Variants in MYBBP1A observed in about 807,000 individuals in gnomAD.
MYBBP1A encodes the protein myb-binding protein 1A.
MYBBP1A carries 147 observed loss-of-function variants against 136.3 expected under a neutral mutation model. The ratio of observed to expected loss-of-function variants is 1.08; its 90% CI spans 0.94 to 1.24. MYBBP1A has a LOEUF of 1.24. MYBBP1A is among the 50% of genes most tolerant of loss of function. MYBBP1A has a pLI of 0.00. For synonymous variants in MYBBP1A, 947 were observed against 735.8 expected, an observed-to-expected ratio of 1.29 and a Z score of -4.65; for missense variants, 2,060 against 1,727.4, an observed-to-expected ratio of 1.19 and a Z score of -3.41.
chr17:4,545,190 C>A lies in MYBBP1A; in HGVS notation c.2161-15G>T. The A allele has an allele frequency of 3.7e-6, 6 of 1,613,224 alleles. No homozygotes were observed. Among genetic ancestry groups the A allele is most frequent in the Non-Finnish European group, 5.1e-6 (6 of 1,179,896 alleles). On this transcript the variant is annotated splice_polypyrimidine_tract_variant and intron_variant, in intron 16 of 25. Transcript: ENST00000254718. ...TCGCTCTTGTCCTGTGTGGTAGAGGCAGGCGCGTCACACACCTCCCCGATC... is the reference window on the plus strand; with the variant it reads ...TCGCTCTTGTCCTGTGTGGTAGAGGAAGGCGCGTCACACACCTCCCCGATC...
rs1907935233 is a variant in MYBBP1A at position 4,555,318 on chromosome 17, T to A, written c.7A>T (p.Ser3Cys). 1 of 1,594,552 alleles carries A rather than the reference T, an allele frequency of 6.3e-7. No individual in the cohort carries two copies. Reference protein sequence around the residue: MESRDPAQPMSPG... With the variant: MECRDPAQPMSPG... Reference sequence around the variant, plus strand: ...GACATCGGCTGGGCGGGATCCCGGCTCTCCATCTCCGCCACACTCACCGAA... The same window carrying A: ...GACATCGGCTGGGCGGGATCCCGGCACTCCATCTCCGCCACACTCACCGAA... Residue 3 changes from serine to cysteine, a missense_variant, in exon 1 of 26, where the codon AGC becomes TGC. By Grantham distance (112) the Ser-to-Cys change is moderately radical (BLOSUM62 -1). Transcript: ENST00000254718.
In MYBBP1A at chr17:4,550,090, G is replaced by A; in HGVS notation, c.1287C>T (p.Asn429=). 6.2e-7 allele frequency: 1 copy of A among 1,613,672 alleles called. No individual in the cohort carries two copies. Among genetic ancestry groups the A allele is most frequent in the East Asian group, 2.2e-5 (1 of 44,866 alleles). ...LDSLVDFSTN[N]QKKAQDSSLH... ...GCGATGAATCCTGGGCTTTCTTCTG[G>A]TTGTTGGTGCTGAAGTCAACCAAGG... The change falls in exon 9 of 26, where the codon AAC becomes AAT. Residue 429 remains asparagine (N), a synonymous_variant. Coordinates refer to ENST00000254718, the MANE Select transcript of MYBBP1A (RefSeq NM_014520.4).
At chr17:4,550,013 G>A (rs1907362080) in intron 9 of MYBBP1A, 45 bp downstream of exon 9, 1 of 1,565,936 alleles carries the variant, frequency 6.4e-7, no homozygotes, top group African/African-American at 1.4e-5. Flanking sequence ...GCAGGCCTAG[G>A]AAGTTAACTC....
Position 4,545,874 on chromosome 17 carries a change from C to A in MYBBP1A, c.1893G>T (p.Lys631Asn). The change falls in exon 14 of 26, where the codon AAG (lysine) becomes AAT (asparagine). Residue 631 changes from lysine to asparagine, a missense_variant. By Grantham distance (94) the Lys-to-Asn change is moderately conservative. Transcript: ENST00000254718. ...TGGTCTTGGTGCGGCTCCGGCGGGG[C>A]TTCTCTCCCAGACTTTTCCTGATGC... ...QTCIRKSLGE[K>N]PRRSRTKTID... 6.2e-7 allele frequency: 1 copy of A among 1,613,350 alleles called. No individual in the cohort carries two copies.
chr17:4,544,904 C>T lies in MYBBP1A; in HGVS notation c.2328G>A (p.Glu776=), dbSNP rs772232790. 21 of 1,601,544 alleles carry T rather than the reference C, an allele frequency of 1.3e-5. No homozygotes were observed. Among genetic ancestry groups the T allele is most frequent in the Non-Finnish European group, 4.3e-6 (5 of 1,173,226 alleles). The change falls in exon 18 of 26, where the codon GAG becomes GAA. Residue 776 remains glutamate, a synonymous_variant. Coordinates refer to ENST00000254718, the MANE Select transcript of MYBBP1A (RefSeq NM_014520.4). ...AGKALGGEDS[E]NEEELGDEAM... ...CCTCATCCCCCAGCTCCTCCTCGTT[C>T]TCACTGTCCTCTCCACCCTGAGGGA...
In MYBBP1A at chr17:4,547,166, C is replaced by G. The variant is rs116490581; in HGVS notation, c.1824+792G>C. ...CCTCGTGATCACCTGCCTTGGTCTCCGGAAGTACTGGGATTACAGGTGCGA... is the reference window on the plus strand; with the variant it reads ...CCTCGTGATCACCTGCCTTGGTCTCGGGAAGTACTGGGATTACAGGTGCGA... On this transcript the variant is annotated intron_variant, in intron 13 of 25. Coordinates refer to ENST00000254718, the MANE Select transcript of MYBBP1A (RefSeq NM_014520.4). 4.7e-3 allele frequency among the ~76,000 whole-genome samples: 712 copies of G among 152,120 alleles called. 7 individuals are homozygous for G. The highest frequency in any genetic ancestry group is 0.016 in the African/African-American group (671 of 41,498).
In MYBBP1A at chr17:4,552,826, GC is replaced by G. The variant is rs1423082187; in HGVS notation, c.562-201del. Among the ~76,000 whole-genome samples, 2 of 96,648 alleles carry G rather than the reference GC, an allele frequency of 2.1e-5. No individual in the cohort carries two copies. Among genetic ancestry groups the G allele is most frequent in the Non-Finnish European group, 4.3e-5 (2 of 46,244 alleles). 63.4% of individuals were successfully genotyped at this position (96,648 alleles called of 152,430 possible). Reference sequence around the variant, plus strand: ...CGCTAACTGGCCCCTGGAGGTACCTGCCCCCCACCCCTTATTTTTTTTTTTT... The same window carrying G: ...CGCTAACTGGCCCCTGGAGGTACCTGCCCCCACCCCTTATTTTTTTTTTTT... On this transcript the variant is annotated intron_variant, in intron 5 of 25. Coordinates refer to ENST00000254718, the MANE Select transcript of MYBBP1A (RefSeq NM_014520.4). This position sits in a 1 kb window ranked among gnomAD's most constrained non-coding sequence, Gnocchi z 4.7.
rs1352642345 is a variant in MYBBP1A at position 4,555,276 on chromosome 17, G to A, written c.49C>T (p.Gln17Ter). Residue 17 changes from glutamine (Q) to a stop codon, truncating the protein, a stop_gained, in exon 1 of 26, where the codon CAG becomes TAG. Transcript: ENST00000254718. LOFTEE classifies it high-confidence loss of function. ...AQPMSPGEATQSGARPADRYG... is the reference protein window; with the variant it reads ...AQPMSPGEAT The stretch of plus-strand genomic sequence containing the variant: ...CGGTCGGCAGGCCGGGCGCCACTCT[G>A]CGTCGCTTCTCCAGGCGACATCGGC... 4 of 1,610,762 alleles carry A rather than the reference G, an allele frequency of 2.5e-6. No homozygotes were observed. Among genetic ancestry groups the A allele is most frequent in the African/African-American group, 2.7e-5 (2 of 74,928 alleles).
intron 24 of MYBBP1A, 120 bp downstream of exon 24, chr17:4,541,343 A>G: frequency 1.1e-6 from 1 of 877,038 alleles, no homozygotes; most frequent in Non-Finnish European, 1.8e-6. Flanking sequence ...AGGCACTGAG[A>G]AGTTTCCCCA....
chr17:4,552,695 G>A lies in MYBBP1A; in HGVS notation c.562-69C>T, dbSNP rs1283213184. ...GAGCCTGGTGGATCCTGTTCTACCT[G>A]CTCCTGACACGGGGCCACCTGGTGA... On this transcript the variant is annotated intron_variant, in intron 5 of 25. Coordinates refer to ENST00000254718, the MANE Select transcript of MYBBP1A (RefSeq NM_014520.4). The surrounding 1 kb of genome is among the most constrained non-coding windows in gnomAD (Gnocchi z 4.7). The A allele has an allele frequency of 6.8e-7, 1 of 1,470,638 alleles. No homozygotes were observed. Among genetic ancestry groups the A allele is most frequent in the South Asian group, 1.2e-5 (1 of 80,522 alleles). 91.1% of individuals were successfully genotyped at this position (1,470,638 alleles called of 1,614,324 possible). A position where few individuals can be genotyped will look rare whatever the true frequency, so the allele number is the denominator to read the frequency against.
In MYBBP1A at chr17:4,538,916, C is replaced by G. The variant is rs750065278; in HGVS notation, c.*499G>C. 5.1e-6 allele frequency: 4 copies of G among 782,004 alleles called. No individual in the cohort carries two copies. Among genetic ancestry groups the G allele is most frequent in the Admixed American group, 3.4e-5 (2 of 58,986 alleles). The allele number at this position is 782,004 out of a possible 1,614,324, so 48.4% of individuals were successfully genotyped here. A position where few individuals can be genotyped will look rare whatever the true frequency, so the allele number is the denominator to read the frequency against. On this transcript the variant is annotated 3_prime_UTR_variant, in exon 26 of 26. Coordinates refer to ENST00000254718, the MANE Select transcript of MYBBP1A (RefSeq NM_014520.4). ...CCAGGTCCGAGTGTTGCCTCCTCTT[C>G]CTTCCGGAAGCCAAACTGCTCCTTT...
In MYBBP1A at chr17:4,552,740, GC is replaced by G. The variant is rs1189944618; in HGVS notation, c.562-115del. On this transcript the variant is annotated intron_variant, in intron 5 of 25. Coordinates refer to ENST00000254718, the MANE Select transcript of MYBBP1A (RefSeq NM_014520.4). This position sits in a 1 kb window ranked among gnomAD's most constrained non-coding sequence, Gnocchi z 4.7. Reference sequence around the variant, plus strand: ...TGGTGAGGTATCAGAGTCATCAGAGGCCAGTTGCTAACAAAACTCAAATTCC... The same window carrying G: ...TGGTGAGGTATCAGAGTCATCAGAGGCAGTTGCTAACAAAACTCAAATTCC... 2 of 961,884 alleles carry G rather than the reference GC, an allele frequency of 2.1e-6. No individual in the cohort carries two copies. The highest frequency in any genetic ancestry group is 5.3e-5 in the East Asian group (2 of 37,564). 59.6% of individuals were successfully genotyped at this position (961,884 alleles called of 1,614,324 possible).
Position 4,554,204 on chromosome 17 carries a change from C to T in MYBBP1A, c.369G>A (p.Gln123=). The change falls in exon 3 of 26, where the codon CAG becomes CAA. Residue 123 remains glutamine (Q), a synonymous_variant. Coordinates refer to ENST00000254718, the MANE Select transcript of MYBBP1A (RefSeq NM_014520.4). ...CTGGCCCCACTCTCACCTTCTTCAC[C>T]TGATGCAGGTCATATTTTTCTTGTA... ...QQIQEKYDLH[Q]VKKAMLRPAL... The T allele has an allele frequency of 6.2e-7, 1 of 1,614,070 alleles. No individual in the cohort carries two copies. The highest frequency in any genetic ancestry group is 8.5e-7 in the Non-Finnish European group (1 of 1,180,006).
At chr17:4,546,594 TTCCC>T (rs1342925955) in intron 13 of MYBBP1A, among the ~76,000 whole-genome samples, 7 of 152,238 alleles carry the variant, frequency 4.6e-5, no homozygotes, top group Non-Finnish European at 1.5e-5. Flanking sequence ...TTCTAGATTA[TTCCC>T]TCCATGCTTG....
Position 4,552,664 on chromosome 17 carries a change from C to CG in MYBBP1A, c.562-39dup. 2 of 1,590,752 alleles carry CG rather than the reference C, an allele frequency of 1.3e-6. No individual in the cohort carries two copies. The highest frequency in any genetic ancestry group is 1.7e-6 in the Non-Finnish European group (2 of 1,165,246). On this transcript the variant is annotated intron_variant, in intron 5 of 25. Coordinates refer to ENST00000254718, the MANE Select transcript of MYBBP1A (RefSeq NM_014520.4). The surrounding 1 kb of genome is among the most constrained non-coding windows in gnomAD (Gnocchi z 4.7). ...GGAGAAGAAATCGTGACTTCCTCTGCGGGGTGAGCCTGGTGGATCCTGTTC... is the reference window on the plus strand; with the variant it reads ...GGAGAAGAAATCGTGACTTCCTCTGCGGGGGTGAGCCTGGTGGATCCTGTTC...
Position 4,548,128 on chromosome 17 carries a change from A to C in MYBBP1A, c.1724+15T>G. Reference sequence around the variant, plus strand: ...GCAGCGTCCTGCCCACCCCCTGGAAATCCCACGTGCTCACCGGTCCCAGGC... The same window carrying C: ...GCAGCGTCCTGCCCACCCCCTGGAACTCCCACGTGCTCACCGGTCCCAGGC... On this transcript the variant is annotated intron_variant, in intron 12 of 25. Coordinates refer to ENST00000254718, the MANE Select transcript of MYBBP1A (RefSeq NM_014520.4). The surrounding 1 kb of genome is among the most constrained non-coding windows in gnomAD (Gnocchi z 4.2). The C allele has an allele frequency of 6.2e-7, 1 of 1,604,096 alleles. No individual in the cohort carries two copies. Among genetic ancestry groups the C allele is most frequent in the South Asian group, 1.1e-5 (1 of 91,068 alleles).
In MYBBP1A at chr17:4,552,585, G is replaced by A; in HGVS notation, c.603C>T (p.Leu201=). 1.2e-6 allele frequency: 2 copies of A among 1,613,958 alleles called. No homozygotes were observed. Among genetic ancestry groups the A allele is most frequent in the Non-Finnish European group, 1.7e-6 (2 of 1,180,010 alleles). Residue 201 remains leucine, a synonymous_variant, in exon 6 of 26, where the codon CTC becomes CTT. Coordinates refer to ENST00000254718, the MANE Select transcript of MYBBP1A (RefSeq NM_014520.4). This position sits in a 1 kb window ranked among gnomAD's most constrained non-coding sequence, Gnocchi z 4.7. ...TGAGTATTATATTCAAGTCGGCTTTGAGGACCTCCGGCAGGATCTCCTGCA... is the reference window on the plus strand; with the variant it reads ...TGAGTATTATATTCAAGTCGGCTTTAAGGACCTCCGGCAGGATCTCCTGCA... ...ATLQEILPEV[L]KADLNIILSS... is the part of the protein sequence containing the mutation.
rs1218951799 is a variant in MYBBP1A at position 4,542,965 on chromosome 17, T to A, written c.2840A>T (p.Gln947Leu). ...NTAEGCVHETQEKQKAGTDPS... is the reference protein window; with the variant it reads ...NTAEGCVHETLEKQKAGTDPS... ...GTCAGTGCCAGCTTTCTGCTTCTCCTGTGTCTCATGCACGCAGCCCTCAGC... is the reference window on the plus strand; with the variant it reads ...GTCAGTGCCAGCTTTCTGCTTCTCCAGTGTCTCATGCACGCAGCCCTCAGC... Residue 947 changes from glutamine to leucine, a missense_variant, in exon 20 of 26, where the codon CAG becomes CTG. By Grantham distance (113) the Gln-to-Leu change is moderately radical (BLOSUM62 -2). Coordinates refer to ENST00000254718, the MANE Select transcript of MYBBP1A (RefSeq NM_014520.4). 3 of 1,613,934 alleles carry A rather than the reference T, an allele frequency of 1.9e-6. No individual in the cohort carries two copies. Among genetic ancestry groups the A allele is most frequent in the Non-Finnish European group, 2.5e-6 (3 of 1,179,996 alleles).
Position 4,541,481 on chromosome 17 carries a change from G to A in MYBBP1A, c.3279C>T (p.Phe1093=). Residue 1093 remains phenylalanine, a synonymous_variant, in exon 24 of 26, where the codon TTC becomes TTT. Coordinates refer to ENST00000254718, the MANE Select transcript of MYBBP1A (RefSeq NM_014520.4). The part of the protein sequence containing the change: ...LSSLELLNVL[F]RTCKHEKLTL... The stretch of plus-strand genomic sequence containing the variant: ...GCCTCACCTCATGTTTGCAGGTCCT[G>A]AAGAGAACGTTGAGCAGCTCCAGGG... 1.2e-6 allele frequency: 2 copies of A among 1,613,466 alleles called. No homozygotes were observed. Among genetic ancestry groups the A allele is most frequent in the Non-Finnish European group, 8.5e-7 (1 of 1,180,014 alleles).
Sources: allele counts gnomAD v4.1 joint callset (sites outside exome capture counted in the v4.1 genomes callset), GRCh38; gene constraint gnomAD v4.1.1; non-coding constraint Gnocchi (gnomAD v3.1); transcripts MANE v1.5; gene names NCBI Gene and HGNC (gene_info 2026-07-23, HGNC 2026-07-21).